Variants in ATP11A observed in about 807,000 individuals in gnomAD.
ATP11A encodes the protein ATPase phospholipid transporting 11A.
In ATP11A, 81 loss-of-function variants were observed where a neutral mutation model predicts 154.4. The ratio of observed to expected loss-of-function variants is 0.52; its 90% CI spans 0.44 to 0.63. The LOEUF is 0.63. Ranked by LOEUF, ATP11A falls within the 30% of genes least tolerant of loss-of-function variation. The pLI is 0.00. For synonymous variants in ATP11A, 623 were observed against 585.9 expected, an observed-to-expected ratio of 1.06 and a Z score of -0.91; for missense variants, 1,316 against 1,474.3, an observed-to-expected ratio of 0.89 and a Z score of 1.76.
At chr13:112,847,461 T>C (rs2079642196) in intron 17 of ATP11A, among the ~76,000 whole-genome samples, 1 of 152,232 alleles carries the variant, frequency 6.6e-6, no homozygotes, top group African/African-American at 2.4e-5. Flanking sequence ...AGGGTCCTAC[T>C]TTATTTCCCT....
At chr13:112,781,283 G>A (rs1242274943) in intron 1 of ATP11A, among the ~76,000 whole-genome samples, 2 of 151,780 alleles carry the variant, frequency 1.3e-5, no homozygotes, top group South Asian at 2.1e-4. Context: ...CAAGCGCTCC[G>A]CCTGCCTTCG....
intron 2 of ATP11A, among the ~76,000 whole-genome samples, 174 bp from the exon 3 acceptor site, chr13:112,804,783 T>C (rs186541956): frequency 1.9e-4 from 29 of 152,272 alleles, no homozygotes; most frequent in Admixed American, 9.8e-4. Context: ...AGTACACACT[T>C]TGTTTAAGCT....
intron 24 of ATP11A, among the ~76,000 whole-genome samples, chr13:112,861,164 C>T (rs1021435861): frequency 2.0e-5 from 3 of 152,076 alleles, no homozygotes; most frequent in Admixed American, 6.6e-5. Context: ...GTCACTATTA[C>T]GAGAACAACA....
intron 1 of ATP11A, among the ~76,000 whole-genome samples, chr13:112,736,179 A>C (rs1422762157): frequency 1.3e-5 from 2 of 152,056 alleles, no homozygotes; most frequent in Non-Finnish European, 2.9e-5. Flanking sequence ...ATCCAACCAC[A>C]CTGTTTGAAC....
Position 112,737,184 on chromosome 13 carries a change from G to A in ATP11A, c.39+46729G>A, listed in dbSNP as rs192188299. Among the ~76,000 whole-genome samples the A allele has an allele frequency of 3.9e-4, 60 of 152,334 alleles. 1 individual carries two copies. The highest frequency in any genetic ancestry group is 1.3e-3 in the African/African-American group (54 of 41,588). ...ATGTTATAAGATTCATTGATGTGAG[G>A]TTCAAAGCTGGGCACTCCTGGGGGA... is the stretch of plus-strand genomic sequence containing the variant. On this transcript the variant is annotated intron_variant, in intron 1 of 29. Transcript: ENST00000375645.
chr13:112,831,810 G>T (rs1206004424), intron 13 of ATP11A, among the ~76,000 whole-genome samples: 1 of 152,114 alleles, frequency 6.6e-6, no homozygotes, highest in Non-Finnish European at 1.5e-5. Flanking sequence ...TGTGCACACG[G>T]ACACACATGC....
rs780086185 is a variant in ATP11A at position 112,690,578 on chromosome 13, C to T, written c.39+123C>T. 1.1e-4 allele frequency: 103 copies of T among 937,656 alleles called. No homozygotes were observed. Among genetic ancestry groups the T allele is most frequent in the Non-Finnish European group, 1.2e-4 (90 of 722,524 alleles). 58.1% of individuals were successfully genotyped at this position (937,656 alleles called of 1,614,324 possible). On this transcript the variant is annotated intron_variant, in intron 1 of 29. Coordinates refer to ENST00000375645, the MANE Select transcript of ATP11A (RefSeq NM_015205.3). The surrounding 1 kb of genome is among the most constrained non-coding windows in gnomAD (Gnocchi z 5.6). ...CGGGAGGTCTCCGATGTCTGGGACTCGGACCGCCCCCGGGGACGAGCGGGA... is the reference window on the plus strand; with the variant it reads ...CGGGAGGTCTCCGATGTCTGGGACTTGGACCGCCCCCGGGGACGAGCGGGA...
intron 25 of ATP11A, among the ~76,000 whole-genome samples, chr13:112,869,758 C>T (rs2080452676): frequency 1.3e-5 from 2 of 152,362 alleles, no homozygotes; most frequent in Middle Eastern, 3.4e-3. Flanking sequence ...AGCAGCCTCC[C>T]GCCCTCCAGC....
chr13:112,726,716 G>A (rs750340917), intron 1 of ATP11A, among the ~76,000 whole-genome samples: 10 of 152,196 alleles, frequency 6.6e-5, no homozygotes, highest in Non-Finnish European at 1.5e-4. Context: ...AATTTGAAGG[G>A]CTCACAGGAG....
chr13:112,778,021 A>G (rs2077390217), intron 1 of ATP11A, among the ~76,000 whole-genome samples: 2 of 152,100 alleles, frequency 1.3e-5, no homozygotes, highest in African/African-American at 4.8e-5. Flanking sequence ...TGCTGCGTCC[A>G]TTTTACTGTT....
chr13:112,808,692 CCT>C (rs1184624553), intron 4 of ATP11A, among the ~76,000 whole-genome samples: 2 of 152,188 alleles, frequency 1.3e-5, no homozygotes, highest in African/African-American at 4.8e-5. Flanking sequence ...TAGGTCCCCG[CCT>C]CTCTTTTCAC....
intron 1 of ATP11A, among the ~76,000 whole-genome samples, chr13:112,715,953 T>C (rs408220): frequency 0.83 from 126,740 of 152,072 alleles, 53,200 homozygotes; most frequent in East Asian, 0.96. Context: ...CTCTGAGGGA[T>C]GGTAGTGGCT....
chr13:112,858,529 A>G, intron 22 of ATP11A: 1 of 432,846 alleles, frequency 2.3e-6, no homozygotes, highest in African/African-American at 2.0e-5. Context: ...GCAAAATTGC[A>G]GAAATAAACA....
chr13:112,779,658 C>T (rs771405579), intron 1 of ATP11A, among the ~76,000 whole-genome samples: 4 of 152,074 alleles, frequency 2.6e-5, no homozygotes, highest in Non-Finnish European at 4.4e-5. Context: ...TCACGCCTGT[C>T]ATCCCAGCAC....
chr13:112,870,463 C>T (rs1167603841), intron 25 of ATP11A, among the ~76,000 whole-genome samples: 1 of 152,198 alleles, frequency 6.6e-6, no homozygotes, highest in Non-Finnish European at 1.5e-5. Flanking sequence ...ACTGCAACCT[C>T]CGCCTCCCGG....
chr13:112,835,528 G>A (rs112327968), intron 15 of ATP11A, among the ~76,000 whole-genome samples: 5,907 of 152,266 alleles, frequency 0.039, 167 homozygotes, highest in African/African-American at 0.079. Context: ...GTTTGCAGCC[G>A]TGGAGGTAGT....
intron 1 of ATP11A, among the ~76,000 whole-genome samples, chr13:112,777,075 G>T (rs989120986): frequency 6.6e-6 from 1 of 152,180 alleles, no homozygotes; most frequent in African/African-American, 2.4e-5. Flanking sequence ...GGCCTCAGGG[G>T]TGTTTGCTCC....
chr13:112,727,624 C>T (rs1330490747), intron 1 of ATP11A, among the ~76,000 whole-genome samples: 1 of 152,160 alleles, frequency 6.6e-6, no homozygotes, highest in African/African-American at 2.4e-5. Flanking sequence ...AGGAACCAGG[C>T]TGCCTGAGGT....
chr13:112,811,959 T>A (rs2078514436), intron 5 of ATP11A: 1 of 152,230 alleles, frequency 6.6e-6, no homozygotes, highest in African/African-American at 2.4e-5. Context: ...GGGGTCCATG[T>A]GATATTTTGA....
Sources: allele counts gnomAD v4.1 joint callset (sites outside exome capture counted in the v4.1 genomes callset), GRCh38; gene constraint gnomAD v4.1.1; non-coding constraint Gnocchi (gnomAD v3.1); transcripts MANE v1.5; gene names NCBI Gene and HGNC (gene_info 2026-07-23, HGNC 2026-07-21).